The following TRAF6 variants were observed in gnomAD, a reference collection of about 807,000 sequenced individuals.
The protein encoded by TRAF6 is TNF receptor-associated factor 6.
A neutral mutation model predicts 48.4 loss-of-function variants in TRAF6; 10 were observed. The ratio of observed to expected loss-of-function variants is 0.21; its 90% confidence interval spans 0.13 to 0.35. The LOEUF (loss-of-function observed/expected upper bound fraction) is 0.35, where lower values mean the gene tolerates loss of function less well. Among genes scored for constraint, TRAF6 ranks in the 10% least tolerant of loss-of-function variants. The pLI is 1.00. For synonymous variants in TRAF6, 186 were observed against 219.6 expected (o/e 0.85, Z 1.35); for missense variants, 397 against 661.0 (o/e 0.60, Z 4.38).
chr11:36,501,456 A>G lies in TRAF6; in HGVS notation c.60T>C (p.Cys20=). ...CGCTACAGGAGCTGGCCATGGCCAC[A>G]CAGCAGTCACTTTCAGACTGGCTGG... ...CGSSQSESDC[C]VAMASSCSAV... Residue 20 remains cysteine (C), a synonymous_variant, in exon 2 of 7, where the codon TGT becomes TGC. Transcript: ENST00000526995. The G allele has an allele frequency of 1.9e-6, 3 of 1,614,098 alleles. No homozygotes were observed. The highest frequency in any genetic ancestry group is 2.5e-6 in the Non-Finnish European group (3 of 1,179,998).
intron 4 of TRAF6, among the ~76,000 whole-genome samples, chr11:36,496,846 G>A (rs1859644024): frequency 6.6e-6 from 1 of 152,104 alleles, no homozygotes; most frequent in Non-Finnish European, 1.5e-5. Context: ...GCCTTTCTTA[G>A]AAGTTCTGTT....
rs1204061239 is a variant in TRAF6 at position 36,486,473 on chromosome 11, TTATC to T, written c.*3361_*3364del. Among the ~76,000 whole-genome samples the T allele has an allele frequency of 3.3e-5, 5 of 152,150 alleles. No homozygotes were observed. Among genetic ancestry groups the T allele is most frequent in the African/African-American group, 1.2e-4 (5 of 41,376 alleles). ...TACATAATTCATAAGCATGCTTAGT[TTATC>T]TAAGACTTACTGGTGTAAAAACGGT... On this transcript the variant is annotated 3_prime_UTR_variant, in exon 7 of 7. Coordinates refer to ENST00000526995, the MANE Select transcript of TRAF6 (RefSeq NM_004620.4).
In TRAF6 at chr11:36,485,868, A is replaced by G. The variant is rs1452812991; in HGVS notation, c.*3970T>C. Reference sequence around the variant, plus strand: ...AGTGCCAAGTACACTCTACAGGCACAAAGACAGAAACAGAGAAACTAACTT... The same window carrying G: ...AGTGCCAAGTACACTCTACAGGCACGAAGACAGAAACAGAGAAACTAACTT... On this transcript the variant is annotated 3_prime_UTR_variant, in exon 7 of 7. Coordinates refer to ENST00000526995, the MANE Select transcript of TRAF6 (RefSeq NM_004620.4). Among the ~76,000 whole-genome samples the G allele has an allele frequency of 6.6e-6, 1 of 152,174 alleles. No homozygotes were observed. The highest frequency in any genetic ancestry group is 1.9e-4 in the East Asian group (1 of 5,198).
rs772589715 is a variant in TRAF6, at chr11:36,490,069, G to A, written c.1338C>T (p.His446=). The change falls in exon 7 of 7, where the codon CAC becomes CAT. Residue 446 remains histidine, a synonymous_variant. Transcript: ENST00000526995. This position sits in a 1 kb window ranked among gnomAD's most constrained non-coding sequence, Gnocchi z 6.4. ...CTGGTTTGGCATCCATTATCTCTTC[G>A]TGGTTTTGCCTTACAGGTGCTTCAG... The part of the protein sequence containing the change: ...DQSEAPVRQN[H]EEIMDAKPEL... 9.9e-6 allele frequency: 16 copies of A among 1,614,158 alleles called. No individual in the cohort carries two copies. Among genetic ancestry groups the A allele is most frequent in the Admixed American group, 5.0e-5 (3 of 60,024 alleles).
At position 36,486,685 on chromosome 11, in the gene TRAF6, A is replaced by G. The variant is rs150922848; in HGVS notation, c.*3153T>C. Among the ~76,000 whole-genome samples the G allele has an allele frequency of 4.1e-3, 628 of 152,304 alleles. 10 individuals are homozygous for G. The highest frequency in any genetic ancestry group is 0.014 in the African/African-American group (594 of 41,520). ...AGTTAAATCATATTGTAGTATACCA[A>G]TAAACAGTCTTTGCTGCCAATAGAT... is the stretch of plus-strand genomic sequence containing the variant. On this transcript the variant is annotated 3_prime_UTR_variant, in exon 7 of 7. Coordinates refer to ENST00000526995, the MANE Select transcript of TRAF6 (RefSeq NM_004620.4).
chr11:36,499,567 T>G (rs1445424952), intron 2 of TRAF6, among the ~76,000 whole-genome samples: 2 of 152,134 alleles, frequency 1.3e-5, no homozygotes, highest in Non-Finnish European at 2.9e-5. Flanking sequence ...CCACTGCACT[T>G]CAGCCTGGGA....
intron 1 of TRAF6, among the ~76,000 whole-genome samples, chr11:36,504,409 C>A: frequency 6.6e-6 from 1 of 152,180 alleles, no homozygotes; most frequent in Non-Finnish European, 1.5e-5. Context: ...TCTCAAAAAA[C>A]CACTGTTTGC....
At chr11:36,501,118 T>C in intron 2 of TRAF6, 102 bp downstream of exon 2, 2 of 1,169,376 alleles carry the variant, frequency 1.7e-6, no homozygotes, top group Non-Finnish European at 2.3e-6. Flanking sequence ...TAAGTAGCTT[T>C]TTATGTGTAA....
rs377074924 is a variant in TRAF6, at chr11:36,501,216, G to A, written c.296+4C>T. Reference sequence around the variant, plus strand: ...GGACACCATTTTTTCTTATGCTCACGTACCTTATTGATTTTATGATGCAGG... The same window carrying A: ...GGACACCATTTTTTCTTATGCTCACATACCTTATTGATTTTATGATGCAGG... On this transcript the variant is annotated splice_donor_region_variant and intron_variant, in intron 2 of 6. Transcript: ENST00000526995. The A allele has an allele frequency of 1.4e-5, 22 of 1,578,980 alleles. No individual in the cohort carries two copies. The highest frequency in any genetic ancestry group is 3.4e-5 in the South Asian group (3 of 87,178).
At chr11:36,500,235 C>T (rs147879717) in intron 2 of TRAF6, among the ~76,000 whole-genome samples, 4 of 152,214 alleles carry the variant, frequency 2.6e-5, no homozygotes, top group East Asian at 1.9e-4. Flanking sequence ...TGGGATTGTT[C>T]GGCAAGAAAG....
rs1208243766 is a variant in TRAF6, at chr11:36,488,295, G to A, written c.*1543C>T. On this transcript the variant is annotated 3_prime_UTR_variant, in exon 7 of 7. Coordinates refer to ENST00000526995, the MANE Select transcript of TRAF6 (RefSeq NM_004620.4). ...CTCCATAACAAACTCACCAGATCAG[G>A]AGCCTAAGGGTGGGTGGGGAGGGAG... is the stretch of plus-strand genomic sequence containing the variant. The A allele has an allele frequency of 7.0e-6, 1 of 142,462 alleles. No individual in the cohort carries two copies. The highest frequency in any genetic ancestry group is 7.0e-5 in the Admixed American group (1 of 14,386). 8.8% of individuals were successfully genotyped at this position (142,462 alleles called of 1,614,324 possible).
rs1236892861 is a variant in TRAF6 at position 36,485,171 on chromosome 11, C to T, written c.*4667G>A. Among the ~76,000 whole-genome samples the T allele has an allele frequency of 6.6e-6, 1 of 152,072 alleles. No homozygotes were observed. The highest frequency in any genetic ancestry group is 1.5e-5 in the Non-Finnish European group (1 of 68,022). On this transcript the variant is annotated 3_prime_UTR_variant, in exon 7 of 7. Transcript: ENST00000526995. The stretch of plus-strand genomic sequence containing the variant: ...TCACTATACAAGTCTTTCAACATTT[C>T]TGCATGTTTGGGAAATTTCATCAAG...
intron 1 of TRAF6, among the ~76,000 whole-genome samples, chr11:36,502,941 T>TACA (rs1451971146): frequency 1.3e-5 from 2 of 152,202 alleles, no homozygotes; most frequent in Non-Finnish European, 2.9e-5. Context: ...AATGAATTAT[T>TACA]ACAACAACTT....
rs906680251 is a variant in TRAF6, at chr11:36,485,472, C to G, written c.*4366G>C. 1.3e-5 allele frequency among the ~76,000 whole-genome samples: 2 copies of G among 152,226 alleles called. No individual in the cohort carries two copies. The highest frequency in any genetic ancestry group is 1.3e-4 in the Admixed American group (2 of 15,292). On this transcript the variant is annotated 3_prime_UTR_variant, in exon 7 of 7. Transcript: ENST00000526995. ...TGCTTGGGCGATTGTCCGAGTGGGA[C>G]AGCACCTACCTTCAGAGCTGCAGAC...
chr11:36,507,682 T>A (rs1384680521), intron 1 of TRAF6, among the ~76,000 whole-genome samples: 1 of 70,600 alleles, frequency 1.4e-5, no homozygotes, highest in African/African-American at 5.2e-5. Flanking sequence ...TATATATGTA[T>A]ACATACACGA....
Position 36,501,314 on chromosome 11 carries a change from A to C in TRAF6, c.202T>G (p.Tyr68Asp). Residue 68 changes from tyrosine (Y) to aspartate (D), a missense_variant, in exon 2 of 7, where the codon TAT (tyrosine) becomes GAT (aspartate). Coordinates refer to ENST00000526995, the MANE Select transcript of TRAF6 (RefSeq NM_004620.4). ...GCCATCAAGCAGATGGGGCATTCATACTTGCTTTCCAGGGGTGGGTCAAAC... is the reference window on the plus strand; with the variant it reads ...GCCATCAAGCAGATGGGGCATTCATCCTTGCTTTCCAGGGGTGGGTCAAAC... Reference protein sequence around the residue: ...VEFDPPLESKYECPICLMALR... With the variant: ...VEFDPPLESKDECPICLMALR... 1 of 1,614,016 alleles carries C rather than the reference A, an allele frequency of 6.2e-7. No homozygotes were observed. Among genetic ancestry groups the C allele is most frequent in the Non-Finnish European group, 8.5e-7 (1 of 1,180,006 alleles).
chr11:36,507,769 CAT>C (rs752585065), intron 1 of TRAF6, among the ~76,000 whole-genome samples: 17 of 137,590 alleles, frequency 1.2e-4, no homozygotes, highest in South Asian at 2.2e-4. Flanking sequence ...TACATATAAA[CAT>C]ATACAAATAT....
chr11:36,506,311 C>G (rs1859783808), intron 1 of TRAF6, among the ~76,000 whole-genome samples: 1 of 152,096 alleles, frequency 6.6e-6, no homozygotes, highest in Non-Finnish European at 1.5e-5. Flanking sequence ...TGCTGGTTAT[C>G]TAATATGTAT....
chr11:36,484,648 A>G lies in TRAF6; in HGVS notation c.*5190T>C, dbSNP rs1336033026. Among the ~76,000 whole-genome samples the G allele has an allele frequency of 1.3e-5, 2 of 152,138 alleles. No individual in the cohort carries two copies. Among genetic ancestry groups the G allele is most frequent in the African/African-American group, 4.8e-5 (2 of 41,430 alleles). ...ACACGAAGACAAAACTGATTGACCC[A>G]TGGTCAGTCAGGAGAAAATGTGTCT... is the stretch of plus-strand genomic sequence containing the variant. On this transcript the variant is annotated 3_prime_UTR_variant, in exon 7 of 7. Transcript: ENST00000526995.
Sources: allele counts gnomAD v4.1 joint callset (sites outside exome capture counted in the v4.1 genomes callset), GRCh38; gene constraint gnomAD v4.1.1; non-coding constraint Gnocchi (gnomAD v3.1); transcripts MANE v1.5; gene names NCBI Gene and HGNC (gene_info 2026-07-23, HGNC 2026-07-21).